The following GPNMB variants were observed in gnomAD, a reference collection of about 807,000 sequenced individuals.
GPNMB encodes transmembrane glycoprotein NMB.
In GPNMB, 71 loss-of-function variants were observed where a neutral mutation model predicts 57.3. The observed-to-expected ratio is 1.24, with a 90% CI of 1.02 to 1.51. The LOEUF is 1.51. Among genes scored for constraint, GPNMB ranks in the 40% most tolerant of loss-of-function variants. GPNMB has a pLI of 0.00. For missense variants in GPNMB, 677 were observed against 691.9 expected, an observed-to-expected ratio of 0.98 and a Z score of 0.24; for synonymous variants, 253 against 263.2, an observed-to-expected ratio of 0.96 and a Z score of 0.38.
intron 5 of GPNMB, 95 bp from the exon 6 acceptor site, chr7:23,260,361 A>C (rs1782886703): frequency 6.2e-6 from 7 of 1,128,028 alleles, no homozygotes; most frequent in Non-Finnish European, 7.6e-6. Flanking sequence ...ATTATCCCTC[A>C]TTTTAATATT....
In GPNMB at chr7:23,253,386, T is replaced by A. The variant is rs1328636261; in HGVS notation, c.150T>A (p.Asp50Glu). 1 of 1,614,036 alleles carries A rather than the reference T, an allele frequency of 6.2e-7. No individual in the cohort carries two copies. Among genetic ancestry groups the A allele is most frequent in the Non-Finnish European group, 8.5e-7 (1 of 1,179,908 alleles). Residue 50 changes from aspartate to glutamate, a missense_variant, in exon 2 of 11, where the codon GAT becomes GAA. Coordinates refer to ENST00000258733, the MANE Select transcript of GPNMB (RefSeq NM_002510.3). ...EHNQLNGWSSDENDWNEKLYP... is the reference protein window; with the variant it reads ...EHNQLNGWSSEENDWNEKLYP... ...ATCAATTAAATGGCTGGTCTTCTGA[T>A]GAAAATGACTGGAATGAAAAACTCT...
intron 1 of GPNMB, chr7:23,248,089 G>C (rs769089575): frequency 6.6e-6 from 1 of 152,302 alleles, no homozygotes; most frequent in Non-Finnish European, 1.5e-5. Flanking sequence ...CTAGGGGCTG[G>C]GTCTCCAGTG....
chr7:23,270,231 C>T, intron 9 of GPNMB, 56 bp downstream of exon 9: 1 of 1,208,988 alleles, frequency 8.3e-7, no homozygotes, highest in Non-Finnish European at 1.2e-6. Context: ...AAGTGTGTAT[C>T]CCATACTAAA....
chr7:23,270,131 C>A lies in GPNMB; in HGVS notation c.1385C>A (p.Thr462Lys), dbSNP rs149495519. 1.3e-5 allele frequency: 21 copies of A among 1,614,054 alleles called. No individual in the cohort carries two copies. The highest frequency in any genetic ancestry group is 1.8e-5 in the Non-Finnish European group (21 of 1,180,008). ...YCVNLTLGDD[T>K]SLALTSTLIS... Reference sequence around the variant, plus strand: ...GTGAACCTCACCCTGGGGGATGACACAAGCCTGGCTCTCACGAGCACCCTG... The same window carrying A: ...GTGAACCTCACCCTGGGGGATGACAAAAGCCTGGCTCTCACGAGCACCCTG... The change falls in exon 9 of 11, where the codon ACA becomes AAA. Residue 462 changes from threonine (T) to lysine (K), a missense_variant. Thr to Lys is a moderately conservative substitution (Grantham distance 78). Coordinates refer to ENST00000258733, the MANE Select transcript of GPNMB (RefSeq NM_002510.3).
At chr7:23,256,754 A>G (rs1782787333) in intron 3 of GPNMB, 138 bp from the exon 4 acceptor site, 1 of 648,332 alleles carries the variant, frequency 1.5e-6, no homozygotes, top group Non-Finnish European at 2.8e-6. Context: ...TGGATTCTAC[A>G]TATTAAGTGT....
intron 1 of GPNMB, among the ~76,000 whole-genome samples, chr7:23,250,555 C>G (rs575434617): frequency 1.3e-4 from 18 of 138,828 alleles, no homozygotes; most frequent in Non-Finnish European, 2.8e-4. Context: ...CATAGTGGGA[C>G]CCCCATCTCT....
chr7:23,273,839 G>A lies in GPNMB; in HGVS notation c.1523+225G>A. On this transcript the variant is annotated intron_variant, in intron 10 of 10. Coordinates refer to ENST00000258733, the MANE Select transcript of GPNMB (RefSeq NM_002510.3). ...GATCTCAGTAACTTTACAAAATTAT[G>A]TCAACTTAATTTTAACATGATAGTC... 5.1e-6 allele frequency: 3 copies of A among 583,232 alleles called. No homozygotes were observed. In the South Asian group the frequency reaches 6.7e-5, roughly 13 times the overall value. The allele number at this position is 583,232 out of a possible 1,614,324, so 36.1% of individuals were successfully genotyped here. A position where few individuals can be genotyped will look rare whatever the true frequency, so the allele number is the denominator to read the frequency against.
Sources: gnomAD v4.1 joint callset for allele counts (sites outside exome capture counted in the v4.1 genomes callset) on GRCh38, gnomAD v4.1.1 for gene constraint, MANE v1.5 for transcripts, NCBI Gene and HGNC (gene_info 2026-07-23, HGNC 2026-07-21) for gene names.